Variants in NUP133 observed in about 807,000 individuals in gnomAD.
The protein encoded by NUP133 is nucleoporin 133.
NUP133 carries 66 observed loss-of-function variants against 146.2 expected under a neutral mutation model. That is an observed-to-expected ratio of 0.45 (90% CI 0.37 to 0.55). The LOEUF is 0.55. NUP133 is among the 20% of genes least tolerant of loss of function. The pLI is 0.00. For missense variants in NUP133, 1,277 were observed against 1,374.8 expected (o/e 0.93, Z 1.12); for synonymous variants, 521 against 498.8 (o/e 1.04, Z -0.59).
intron 1 of NUP133, among the ~76,000 whole-genome samples, chr1:229,506,838 A>C (rs1158071118): frequency 6.6e-6 from 1 of 151,470 alleles, no homozygotes; most frequent in Non-Finnish European, 1.5e-5. Context: ...AAAAAAAAAA[A>C]AACTATCAGA....
intron 9 of NUP133, among the ~76,000 whole-genome samples, chr1:229,488,037 G>C (rs1038424280): frequency 1.3e-5 from 2 of 151,648 alleles, no homozygotes; most frequent in Admixed American, 1.3e-4. Flanking sequence ...GTAGAGATGG[G>C]GTTTCACCAT....
chr1:229,483,879 C>A (rs1661283217), intron 12 of NUP133, among the ~76,000 whole-genome samples, 175 bp downstream of exon 12: 1 of 151,958 alleles, frequency 6.6e-6, no homozygotes, highest in South Asian at 2.1e-4. Context: ...CTGGAACCCT[C>A]CCATGGCTAC....
At chr1:229,486,856 T>G (rs373064469) in intron 10 of NUP133, among the ~76,000 whole-genome samples, 1 of 150,726 alleles carries the variant, frequency 6.6e-6, no homozygotes. Context: ...TCCTGTGGAG[T>G]TCTCTTAATT....
At chr1:229,464,434 C>CG (rs1192846744) in intron 18 of NUP133, among the ~76,000 whole-genome samples, 190 bp downstream of exon 18, 1 of 152,198 alleles carries the variant, frequency 6.6e-6, no homozygotes, top group African/African-American at 2.4e-5. Context: ...TCAGTATCAT[C>CG]TATGGTACTT....
chr1:229,495,614 T>A, intron 7 of NUP133, 49 bp from the exon 8 acceptor site: 1 of 1,360,516 alleles, frequency 7.4e-7, no homozygotes, highest in Non-Finnish European at 1.0e-6. Flanking sequence ...AGGAATGATT[T>A]ATTTTCACCT....
rs3818237 is a variant in NUP133 at position 229,495,446 on chromosome 1, T to C, written c.1046+49A>G. On this transcript the variant is annotated intron_variant, in intron 8 of 25. Coordinates refer to ENST00000261396, the MANE Select transcript of NUP133 (RefSeq NM_018230.3). Reference sequence around the variant, plus strand: ...TCATTTTATTATAAACATCAACTTATTTTTTCCAAACTCTTCTCTATGTTC... The same window carrying C: ...TCATTTTATTATAAACATCAACTTACTTTTTCCAAACTCTTCTCTATGTTC... 275,047 of 1,325,492 alleles carry C rather than the reference T, an allele frequency of 0.21. 29,513 individuals carry two copies. The highest frequency in any genetic ancestry group is 0.26 in the Middle Eastern group (1,273 of 4,962). The allele number at this position is 1,325,492 out of a possible 1,614,324, so 82.1% of individuals were successfully genotyped here. A position where few individuals can be genotyped will look rare whatever the true frequency, so the allele number is the denominator to read the frequency against.
intron 13 of NUP133, among the ~76,000 whole-genome samples, chr1:229,477,263 C>T (rs548257590): frequency 6.6e-6 from 1 of 151,918 alleles, no homozygotes; most frequent in African/African-American, 2.4e-5. Context: ...CACAGTGAAA[C>T]CCCGTCTCTA....
intron 2 of NUP133, 28 bp from the exon 3 acceptor site, chr1:229,502,130 A>G: frequency 6.6e-7 from 1 of 1,512,462 alleles, no homozygotes; most frequent in Non-Finnish European, 9.2e-7. Context: ...GTGGGTGATT[A>G]ATCTTATAGT....
intron 14 of NUP133, 144 bp downstream of exon 14, chr1:229,475,494 G>C (rs898896059): frequency 1.6e-5 from 9 of 573,968 alleles, no homozygotes; most frequent in Non-Finnish European, 2.8e-5. Context: ...CTGGAATTAC[G>C]GACTTTTAAA....
intron 8 of NUP133, among the ~76,000 whole-genome samples, chr1:229,491,625 A>G (rs1209479801): frequency 2.6e-5 from 4 of 152,220 alleles, no homozygotes; most frequent in East Asian, 3.9e-4. Context: ...CTAAAATACA[A>G]AAGTTAGCCC....
intron 20 of NUP133, among the ~76,000 whole-genome samples, chr1:229,459,048 T>G (rs1287986285): frequency 6.6e-6 from 1 of 152,208 alleles, no homozygotes; most frequent in African/African-American, 2.4e-5. Context: ...TATATATTTA[T>G]GGATACACAG....
At chr1:229,493,843 G>A (rs1003864361) in intron 8 of NUP133, among the ~76,000 whole-genome samples, 1 of 152,150 alleles carries the variant, frequency 6.6e-6, no homozygotes, top group Admixed American at 6.5e-5. Context: ...TGTGAAAAAT[G>A]TCTGCATGGC....
At chr1:229,465,754 G>A (rs774394722) in intron 16 of NUP133, among the ~76,000 whole-genome samples, 2 of 151,950 alleles carry the variant, frequency 1.3e-5, no homozygotes, top group African/African-American at 4.8e-5. Flanking sequence ...CCTGGGCATC[G>A]TGGCGTGCAC....
At chr1:229,468,079 T>A (rs1377364964) in intron 15 of NUP133, among the ~76,000 whole-genome samples, 1 of 152,208 alleles carries the variant, frequency 6.6e-6, no homozygotes, top group African/African-American at 2.4e-5. Context: ...GTCTGTTCCT[T>A]AAGCAGTGAG....
chr1:229,477,222 G>A (rs552060654), intron 13 of NUP133, among the ~76,000 whole-genome samples: 2 of 152,076 alleles, frequency 1.3e-5, no homozygotes, highest in East Asian at 3.9e-4. Context: ...GGTGGATCAC[G>A]AGGTCAGGAG....
At chr1:229,497,239 C>A (rs1661677106) in intron 6 of NUP133, among the ~76,000 whole-genome samples, 1 of 152,026 alleles carries the variant, frequency 6.6e-6, no homozygotes, top group South Asian at 2.1e-4. Flanking sequence ...ATCTACAGCA[C>A]CTGGTAAATA....
At chr1:229,483,457 G>A (rs1026343767) in intron 12 of NUP133, among the ~76,000 whole-genome samples, 6 of 151,926 alleles carry the variant, frequency 3.9e-5, no homozygotes, top group Admixed American at 1.3e-4. Context: ...GGTGGCTCAC[G>A]CCTGTAATCC....
chr1:229,447,226 T>A (rs559198476), intron 24 of NUP133, among the ~76,000 whole-genome samples: 1 of 152,324 alleles, frequency 6.6e-6, no homozygotes, highest in South Asian at 2.1e-4. Context: ...TCCTAAGTCT[T>A]TAGGCTATTC....
intron 19 of NUP133, among the ~76,000 whole-genome samples, chr1:229,462,095 G>A (rs2102756198): frequency 6.6e-6 from 1 of 152,302 alleles, no homozygotes; most frequent in African/African-American, 2.4e-5. Flanking sequence ...TGTTGGCCAG[G>A]CTGGTCTCGA....
Sources: allele counts gnomAD v4.1 joint callset (sites outside exome capture counted in the v4.1 genomes callset), GRCh38; gene constraint gnomAD v4.1.1; transcripts MANE v1.5; gene names NCBI Gene and HGNC (gene_info 2026-07-23, HGNC 2026-07-21).